The following LRP1 variants were observed in gnomAD, a reference collection of about 807,000 sequenced individuals.
LRP1 encodes the protein LDL receptor related protein 1, also known as prolow-density lipoprotein receptor-related protein 1.
LRP1 carries 51 observed loss-of-function variants against 541.5 expected under a neutral mutation model. The ratio of observed to expected loss-of-function variants is 0.09; its 90% CI spans 0.08 to 0.12. The LOEUF is 0.12. LRP1 is among the 10% of genes least tolerant of loss of function. LRP1 has a pLI of 1.00. For synonymous variants in LRP1, 2,219 were observed against 2,470.8 expected (o/e 0.90, Z 3.02); for missense variants, 3,878 against 6,376.2 (o/e 0.61, Z 13.34).
chr12:57,175,678 C>G lies in LRP1; in HGVS notation c.3766C>G (p.Pro1256Ala). The change falls in exon 23 of 89, where the codon CCT (proline) becomes GCT (alanine). Residue 1256 changes from proline (P) to alanine (A), a missense_variant. Coordinates refer to ENST00000243077, the MANE Select transcript of LRP1 (RefSeq NM_002332.3). ...CTGCTACGAGGGCTGGGTCCTGGAA[C>G]CTGACGGCGAGAGCTGCCGCAGCCT... is the stretch of plus-strand genomic sequence containing the variant. ...CSCYEGWVLE[P>A]DGESCRSLDP... The G allele has an allele frequency of 6.3e-7, 1 of 1,580,188 alleles. No individual in the cohort carries two copies. Among genetic ancestry groups the G allele is most frequent in the Non-Finnish European group, 8.6e-7 (1 of 1,161,110 alleles).
In LRP1 at chr12:57,201,441, G is replaced by A. The variant is rs894851140; in HGVS notation, c.10346-56G>A. On this transcript the variant is annotated intron_variant, in intron 65 of 88. Coordinates refer to ENST00000243077, the MANE Select transcript of LRP1 (RefSeq NM_002332.3). This position sits in a 1 kb window ranked among gnomAD's most constrained non-coding sequence, Gnocchi z 6.4. ...TTGGAAGAGAGAGAAGACAGTGATGGTGAACTGGAGTGGCAGGTGTAAGGG... is the reference window on the plus strand; with the variant it reads ...TTGGAAGAGAGAGAAGACAGTGATGATGAACTGGAGTGGCAGGTGTAAGGG... 2 of 1,560,514 alleles carry A rather than the reference G, an allele frequency of 1.3e-6. No homozygotes were observed. The highest frequency in any genetic ancestry group is 1.4e-5 in the African/African-American group (1 of 73,880).
Position 57,211,038 on chromosome 12 carries a change from A to G in LRP1, c.12917-138A>G. 1 of 1,372,386 alleles carries G rather than the reference A, an allele frequency of 7.3e-7. No homozygotes were observed. The allele number at this position is 1,372,386 out of a possible 1,614,324, so 85.0% of individuals were successfully genotyped here. The stretch of plus-strand genomic sequence containing the variant: ...AGGCCCAAGCTGCTGGCGCTTCCCC[A>G]CAAAGGTGCTGGCACACTTCCCCTG... On this transcript the variant is annotated intron_variant, in intron 83 of 88. Coordinates refer to ENST00000243077, the MANE Select transcript of LRP1 (RefSeq NM_002332.3). The surrounding 1 kb of genome is among the most constrained non-coding windows in gnomAD (Gnocchi z 4.3).
At chr12:57,146,628 CT>C (rs1169193509) in intron 6 of LRP1, 2 of 152,238 alleles carry the variant, frequency 1.3e-5, no homozygotes, top group African/African-American at 4.8e-5. Context: ...AGAGCCCTCA[CT>C]CTCCGTGGCC....
intron 68 of LRP1, 139 bp downstream of exon 68, chr12:57,202,676 C>T: frequency 3.1e-6 from 2 of 644,592 alleles, no homozygotes. Flanking sequence ...TCACCCATCC[C>T]ACTCCATGTC....
At chr12:57,159,359 G>A (rs942533635) in intron 11 of LRP1, among the ~76,000 whole-genome samples, 1 of 152,220 alleles carries the variant, frequency 6.6e-6, no homozygotes, top group African/African-American at 2.4e-5. Context: ...AAGATTAGGG[G>A]TCCCTATACC....
intron 62 of LRP1, 193 bp from the exon 63 acceptor site, chr12:57,200,249 C>T (rs146038158): frequency 3.1e-6 from 2 of 643,332 alleles, no homozygotes; most frequent in Non-Finnish European, 5.6e-6. Context: ...CCTTGCCATG[C>T]TTCAGTGCTG....
At chr12:57,150,076 C>T in intron 6 of LRP1, 1 of 270,794 alleles carries the variant, frequency 3.7e-6, no homozygotes, top group East Asian at 7.8e-5. Flanking sequence ...TGTCAGACGC[C>T]TGAGACAAAG....
rs2036771429 is a variant in LRP1 at position 57,206,061 on chromosome 12, GCACA to G, written c.11590+390_11590+393del. On this transcript the variant is annotated intron_variant, in intron 75 of 88. Coordinates refer to ENST00000243077, the MANE Select transcript of LRP1 (RefSeq NM_002332.3). This position sits in a 1 kb window ranked among gnomAD's most constrained non-coding sequence, Gnocchi z 4.7. Reference sequence around the variant, plus strand: ...ACACAGACATTCACACACACCCCTGGCACACACACCCCCACCATGCACTCCCATG... The same window carrying G: ...ACACAGACATTCACACACACCCCTGGCACACCCCCACCATGCACTCCCATG... Among the ~76,000 whole-genome samples the G allele has an allele frequency of 6.6e-6, 1 of 152,102 alleles. No homozygotes were observed. The highest frequency in any genetic ancestry group is 1.5e-5 in the Non-Finnish European group (1 of 68,010).
chr12:57,149,628 C>G, intron 6 of LRP1: 3 of 708,250 alleles, frequency 4.2e-6, no homozygotes, highest in Non-Finnish European at 7.7e-6. Flanking sequence ...TCTTGGGGAC[C>G]TAAGCCAGGC....
Position 57,179,159 on chromosome 12 carries a change from G to C in LRP1, c.4738+138G>C. On this transcript the variant is annotated intron_variant, in intron 28 of 88. Transcript: ENST00000243077. This position sits in a 1 kb window ranked among gnomAD's most constrained non-coding sequence, Gnocchi z 6.8. ...AGGAGAGGCTCCAGAGACAGCCACT[G>C]TGAGAAGGGGCTGCAGGTCTGCCAG... 1 of 1,314,464 alleles carries C rather than the reference G, an allele frequency of 7.6e-7. No individual in the cohort carries two copies. The highest frequency in any genetic ancestry group is 1.0e-6 in the Non-Finnish European group (1 of 963,002). 81.4% of individuals were successfully genotyped at this position (1,314,464 alleles called of 1,614,324 possible). A position where few individuals can be genotyped will look rare whatever the true frequency, so the allele number is the denominator to read the frequency against.
At position 57,197,779 on chromosome 12, in the gene LRP1, A is replaced by G. The variant is rs2036569589; in HGVS notation, c.9282+115A>G. On this transcript the variant is annotated intron_variant, in intron 58 of 88. Transcript: ENST00000243077. The surrounding 1 kb of genome is among the most constrained non-coding windows in gnomAD (Gnocchi z 4.5). ...TTGCTTCCTTCTCACTCCACTAGTC[A>G]CTATATGACTGCTTGTTCTAGCTGC... 1 of 1,182,848 alleles carries G rather than the reference A, an allele frequency of 8.5e-7. No homozygotes were observed. The highest frequency in any genetic ancestry group is 1.5e-5 in the African/African-American group (1 of 65,050). 73.3% of individuals were successfully genotyped at this position (1,182,848 alleles called of 1,614,324 possible). A position where few individuals can be genotyped will look rare whatever the true frequency, so the allele number is the denominator to read the frequency against.
In LRP1 at chr12:57,211,404, A is replaced by AGCCCT; in HGVS notation, c.13091+64_13091+68dup. ...CCCAGCTGGGCCCCTGCCCTGTCCT[A>AGCCCT]GCCCTGCCCTGCCCCTCCCTTCCTC... On this transcript the variant is annotated intron_variant, in intron 84 of 88. Transcript: ENST00000243077. This position sits in a 1 kb window ranked among gnomAD's most constrained non-coding sequence, Gnocchi z 4.3. The AGCCCT allele has an allele frequency of 6.2e-7, 1 of 1,609,444 alleles. No homozygotes were observed. The highest frequency in any genetic ancestry group is 1.7e-5 in the Admixed American group (1 of 59,946).
Position 57,210,895 on chromosome 12 carries a change from C to T in LRP1, c.12916+16C>T. The T allele has an allele frequency of 1.2e-6, 2 of 1,604,136 alleles. No individual in the cohort carries two copies. Among genetic ancestry groups the T allele is most frequent in the Non-Finnish European group, 1.7e-6 (2 of 1,173,216 alleles). ...TGCCAGTACCGTGAGTGAGCCATCC[C>T]TGGGCCCCAGGGCATGCGGGAGGGT... On this transcript the variant is annotated intron_variant, in intron 83 of 88. Coordinates refer to ENST00000243077, the MANE Select transcript of LRP1 (RefSeq NM_002332.3).
chr12:57,145,755 C>T (rs1039416046), intron 6 of LRP1, among the ~76,000 whole-genome samples: 3 of 152,160 alleles, frequency 2.0e-5, no homozygotes, highest in African/African-American at 7.2e-5. Flanking sequence ...TCTCCAGAGA[C>T]CAGGGACTGT....
At chr12:57,138,384 A>C (rs1359461660) in intron 1 of LRP1, 75 bp from the exon 2 acceptor site, 2 of 1,526,962 alleles carry the variant, frequency 1.3e-6, no homozygotes, top group Middle Eastern at 1.7e-4. Context: ...AAGGAAGAGC[A>C]GTACTAGGGG....
Position 57,184,866 on chromosome 12 carries a change from C to T in LRP1, c.6214C>T (p.Arg2072Trp), listed in dbSNP as rs758299413. Reference sequence around the variant, plus strand: ...TGGGAAGCTGTACTGGTGCGATGCACGGACAGACAAGATTGAACGGATCGA... The same window carrying T: ...TGGGAAGCTGTACTGGTGCGATGCATGGACAGACAAGATTGAACGGATCGA... ...QDGKLYWCDA[R>W]TDKIERIDLE... The change falls in exon 39 of 89, where the codon CGG becomes TGG. Residue 2072 changes from arginine (R) to tryptophan (W), a missense_variant. By Grantham distance (101) the Arg-to-Trp change is moderately radical. Transcript: ENST00000243077. This position sits in a 1 kb window ranked among gnomAD's most constrained non-coding sequence, Gnocchi z 7.8. The T allele has an allele frequency of 3.1e-6, 5 of 1,613,878 alleles. No homozygotes were observed. The highest frequency in any genetic ancestry group is 1.7e-5 in the Admixed American group (1 of 60,006).
intron 34 of LRP1, among the ~76,000 whole-genome samples, chr12:57,181,803 G>T (rs1325841690): frequency 6.6e-6 from 1 of 152,180 alleles, no homozygotes. Flanking sequence ...AGTGTGAGAT[G>T]ATGGGCCTGG....
intron 22 of LRP1, 145 bp downstream of exon 22, chr12:57,174,125 C>A: frequency 1.3e-6 from 1 of 778,352 alleles, no homozygotes; most frequent in Non-Finnish European, 2.1e-6. Context: ...CACCAGCAGC[C>A]TGTGTGGACC....
In LRP1 at chr12:57,177,281, GC is replaced by G; in HGVS notation, c.4196+42del. On this transcript the variant is annotated intron_variant, in intron 25 of 88. Coordinates refer to ENST00000243077, the MANE Select transcript of LRP1 (RefSeq NM_002332.3). The surrounding 1 kb of genome is among the most constrained non-coding windows in gnomAD (Gnocchi z 6.8). Reference sequence around the variant, plus strand: ...TGCCCAGCCTTCTCCTGGCCCCATGGCCCCCCTGAAGTCCCATTCAGCCTGG... The same window carrying G: ...TGCCCAGCCTTCTCCTGGCCCCATGGCCCCCTGAAGTCCCATTCAGCCTGG... 1 of 1,606,948 alleles carries G rather than the reference GC, an allele frequency of 6.2e-7. No individual in the cohort carries two copies. The highest frequency in any genetic ancestry group is 8.5e-7 in the Non-Finnish European group (1 of 1,174,672).
Sources: gnomAD v4.1 joint callset for allele counts (sites outside exome capture counted in the v4.1 genomes callset) on GRCh38, gnomAD v4.1.1 for gene constraint, Gnocchi (gnomAD v3.1) non-coding constraint, MANE v1.5 for transcripts, NCBI Gene and HGNC (gene_info 2026-07-23, HGNC 2026-07-21) for gene names.